CDH13: variants seen among roughly 807,000 people sequenced by gnomAD.
The protein encoded by CDH13 is cadherin 13.
In CDH13, 24 loss-of-function variants were observed where a neutral mutation model predicts 63.8. The observed-to-expected ratio is 0.38, with a 90% confidence interval of 0.27 to 0.53. The LOEUF is 0.53. CDH13 is among the 20% of genes least tolerant of loss of function. CDH13 has a pLI of 0.85. For synonymous variants in CDH13, 503 were observed against 355.3 expected (o/e 1.42, Z -4.67); for missense variants, 1,049 against 903.1 (o/e 1.16, Z -2.07).
intron 1 of CDH13, among the ~76,000 whole-genome samples, chr16:82,809,919 C>G (rs2037357334): frequency 6.6e-6 from 1 of 152,078 alleles, no homozygotes; most frequent in Admixed American, 6.5e-5. Flanking sequence ...AAAAAAGGGA[C>G]AGATTTTTGA....
intron 5 of CDH13, among the ~76,000 whole-genome samples, chr16:83,329,411 T>G (rs1005404968): frequency 1.3e-5 from 2 of 151,572 alleles, no homozygotes; most frequent in South Asian, 2.1e-4. Flanking sequence ...TTTTTTTTTT[T>G]TTTTTAGTAG....
At chr16:83,737,618 A>G (rs1911660244) in intron 10 of CDH13, among the ~76,000 whole-genome samples, 1 of 152,144 alleles carries the variant, frequency 6.6e-6, no homozygotes, top group Admixed American at 6.5e-5. Flanking sequence ...TTTCCACCTC[A>G]GAGTTTAAAT....
At chr16:83,508,100 G>GGAAGGAAGGAAGGAAGGAAGGAA (rs1567722270) in intron 7 of CDH13, among the ~76,000 whole-genome samples, 1 of 59,666 alleles carries the variant, frequency 1.7e-5, no homozygotes. Context: ...AGGAAGGAAA[G>GGAAGGAAGGAAGGAAGGAAGGAA]AAGGAAGGAA....
intron 4 of CDH13, among the ~76,000 whole-genome samples, chr16:83,168,262 C>G (rs7185285): frequency 0.077 from 11,739 of 151,532 alleles, 578 homozygotes; most frequent in Non-Finnish European, 0.087. Context: ...ACAAAAAAAC[C>G]CCAAAGAGCT....
chr16:82,782,231 G>A (rs1007490982), intron 1 of CDH13, among the ~76,000 whole-genome samples: 2 of 152,180 alleles, frequency 1.3e-5, no homozygotes, highest in Admixed American at 6.5e-5. Flanking sequence ...AGGATTCAGG[G>A]TGGGCCTGTG....
intron 8 of CDH13, among the ~76,000 whole-genome samples, chr16:83,663,246 C>G (rs1215671800): frequency 6.6e-6 from 1 of 152,170 alleles, no homozygotes; most frequent in African/African-American, 2.4e-5. Flanking sequence ...CAAAATGACT[C>G]CCTAGTACCA....
At chr16:82,869,532 C>G (rs1441261232) in intron 2 of CDH13, among the ~76,000 whole-genome samples, 2 of 152,194 alleles carry the variant, frequency 1.3e-5, no homozygotes, top group East Asian at 1.9e-4. Context: ...CAGAAGCCAT[C>G]TTGAGCAAAA....
intron 3 of CDH13, among the ~76,000 whole-genome samples, chr16:83,084,595 A>T (rs112322011): frequency 3.6e-4 from 55 of 152,206 alleles, no homozygotes; most frequent in Non-Finnish European, 7.9e-4. Context: ...GCTGATTTAA[A>T]ATAGCTTAAG....
intron 3 of CDH13, among the ~76,000 whole-genome samples, chr16:83,082,220 C>A (rs546753692): frequency 6.6e-6 from 1 of 152,206 alleles, no homozygotes; most frequent in Non-Finnish European, 1.5e-5. Context: ...TCTGCCCTCT[C>A]CCCACACATT....
chr16:83,005,305 A>G (rs1468431502), intron 2 of CDH13, among the ~76,000 whole-genome samples: 3 of 152,140 alleles, frequency 2.0e-5, no homozygotes, highest in Non-Finnish European at 4.4e-5. Context: ...TTTTCTACCA[A>G]AGCATAGGAA....
At chr16:82,691,155 G>C (rs1404259274) in intron 1 of CDH13, among the ~76,000 whole-genome samples, 1 of 152,224 alleles carries the variant, frequency 6.6e-6, no homozygotes, top group Non-Finnish European at 1.5e-5. Context: ...AACAAGTCTG[G>C]ACCTTCAGGG....
intron 6 of CDH13, among the ~76,000 whole-genome samples, chr16:83,406,342 G>A (rs889311482): frequency 2.6e-5 from 4 of 151,954 alleles, no homozygotes; most frequent in South Asian, 4.2e-4. Context: ...TCAAAAGCAC[G>A]CCTACACTCA....
chr16:83,342,206 G>GCTA (rs2090741004), intron 5 of CDH13, among the ~76,000 whole-genome samples: 1 of 152,164 alleles, frequency 6.6e-6, no homozygotes, highest in Admixed American at 6.5e-5. Context: ...GTGGCTAGCA[G>GCTA]CTACAGTATT....
At chr16:82,767,032 A>T (rs1483146409) in intron 1 of CDH13, among the ~76,000 whole-genome samples, 2 of 152,164 alleles carry the variant, frequency 1.3e-5, no homozygotes, top group East Asian at 3.9e-4. Flanking sequence ...CCACTAATCT[A>T]CCTCATGTTT....
At chr16:83,023,529 T>C (rs1195997580) in intron 2 of CDH13, among the ~76,000 whole-genome samples, 2 of 152,232 alleles carry the variant, frequency 1.3e-5, no homozygotes. Flanking sequence ...TGAGTATTTG[T>C]TCACAAGTTT....
intron 6 of CDH13, among the ~76,000 whole-genome samples, chr16:83,483,941 G>C (rs1052511731): frequency 6.6e-6 from 1 of 152,156 alleles, no homozygotes; most frequent in Non-Finnish European, 1.5e-5. Flanking sequence ...GAGACAGGGG[G>C]GCTGCATGGG....
intron 2 of CDH13, among the ~76,000 whole-genome samples, chr16:82,980,809 A>T (rs1910161579): frequency 4.6e-5 from 7 of 152,164 alleles, no homozygotes. Context: ...AGTCAAGAAA[A>T]TATCTGTTTG....
rs756351319 is a variant in CDH13 at position 83,090,954 on chromosome 16, T to G, written c.367-34431T>G. The stretch of plus-strand genomic sequence containing the variant: ...CTGTGTGGATATTCTTTTCTATTCC[T>G]CATTCAAGTATATTGCATATATATA... On this transcript the variant is annotated intron_variant, in intron 3 of 13. Transcript: ENST00000567109. Among the ~76,000 whole-genome samples the G allele has an allele frequency of 4.5e-4, 68 of 152,134 alleles. 1 individual carries two copies. The highest frequency in any genetic ancestry group is 8.2e-4 in the Non-Finnish European group (56 of 68,018).
intron 7 of CDH13, among the ~76,000 whole-genome samples, chr16:83,562,714 T>G (rs2075730479): frequency 6.6e-6 from 1 of 152,234 alleles, no homozygotes; most frequent in African/African-American, 2.4e-5. Flanking sequence ...TTTCTGCCTG[T>G]CTATTTTGGG....
Sources: allele counts gnomAD v4.1 joint callset (sites outside exome capture counted in the v4.1 genomes callset), GRCh38; gene constraint gnomAD v4.1.1; transcripts MANE v1.5; gene names NCBI Gene and HGNC (gene_info 2026-07-23, HGNC 2026-07-21).